The following PLCB1 variants were observed in gnomAD, a reference collection of about 807,000 sequenced individuals.
PLCB1 encodes the protein phospholipase C beta 1.
Under a neutral mutation model 161.8 loss-of-function variants are expected in PLCB1, and 46 were observed. That is an observed-to-expected ratio of 0.28 (90% CI 0.22 to 0.36). PLCB1 has a LOEUF of 0.36. Among genes scored for constraint, PLCB1 ranks in the 10% least tolerant of loss-of-function variants. The pLI, the probability that PLCB1 is intolerant of heterozygous loss-of-function variation, is 1.00. For synonymous variants in PLCB1, 517 were observed against 503.7 expected (o/e 1.03, Z -0.35); for missense variants, 1,016 against 1,472.5 (o/e 0.69, Z 5.07).
chr20:8,150,785 C>T (rs1022248989), intron 2 of PLCB1, among the ~76,000 whole-genome samples: 2 of 152,130 alleles, frequency 1.3e-5, no homozygotes, highest in Non-Finnish European at 2.9e-5. Context: ...TTCCCCTGTG[C>T]TGTTCATTAA....
In PLCB1 at chr20:8,729,171, A is replaced by G. The variant is rs1441152862; in HGVS notation, c.1885A>G (p.Met629Val). ...GATGGTGGCACTTAATTTCCAGACA[A>G]TGGGTAAGTACATGCTTGTTCCCAT... The part of the protein sequence containing the change: ...CQMVALNFQT[M>V]DLAMQINMGM... The change falls in exon 18 of 32, where the codon ATG (methionine) becomes GTG (valine). Residue 629 changes from methionine (M) to valine (V), a missense_variant. This residue lies in a region of PLCB1 where 67 missense variants were observed against 195.6 expected (regional missense o/e 0.34). Transcript: ENST00000338037. 6 of 1,611,610 alleles carry G rather than the reference A, an allele frequency of 3.7e-6. No homozygotes were observed. The highest frequency in any genetic ancestry group is 5.1e-6 in the Non-Finnish European group (6 of 1,178,412).
rs928361400 is a variant in PLCB1 at position 8,203,085 on chromosome 20, GCA to G, written c.177+52722_177+52723del. Among the ~76,000 whole-genome samples, 30 of 133,242 alleles carry G rather than the reference GCA, an allele frequency of 2.3e-4. 1 individual carries two copies. The highest frequency in any genetic ancestry group is 1.5e-3 in the Admixed American group (21 of 14,152). The allele number at this position is 133,242 out of a possible 152,430, so 87.4% of individuals were successfully genotyped here. ...AGAGCTCAGTCATTCTGGGTTGTAT[GCA>G]CACACACGCGCACACACACACACAC... On this transcript the variant is annotated intron_variant, in intron 2 of 31. Coordinates refer to ENST00000338037, the MANE Select transcript of PLCB1 (RefSeq NM_015192.4).
intron 2 of PLCB1, among the ~76,000 whole-genome samples, chr20:8,311,348 A>G (rs1984392944): frequency 6.6e-6 from 1 of 152,204 alleles, no homozygotes; most frequent in Admixed American, 6.5e-5. Flanking sequence ...TCATGAATAG[A>G]TATGTTTATT....
At chr20:8,765,077 C>T in intron 25 of PLCB1, 62 bp from the exon 26 acceptor site, 1 of 1,332,162 alleles carries the variant, frequency 7.5e-7, no homozygotes, top group East Asian at 2.3e-5. Flanking sequence ...GGTAGCCGCT[C>T]TTCTTTCCAT....
intron 3 of PLCB1, among the ~76,000 whole-genome samples, chr20:8,423,158 T>A (rs1419255538): frequency 6.6e-6 from 1 of 152,180 alleles, no homozygotes; most frequent in East Asian, 1.9e-4. Context: ...AATAATTTAT[T>A]TGCATGTCAT....
At chr20:8,180,060 G>A (rs1388323338) in intron 2 of PLCB1, among the ~76,000 whole-genome samples, 3 of 151,500 alleles carry the variant, frequency 2.0e-5, no homozygotes, top group African/African-American at 4.9e-5. Flanking sequence ...GGGTTTCACC[G>A]TTTTAGCCAG....
chr20:8,252,622 T>A (rs1209651392), intron 2 of PLCB1, among the ~76,000 whole-genome samples: 1 of 152,036 alleles, frequency 6.6e-6, no homozygotes, highest in Non-Finnish European at 1.5e-5. Flanking sequence ...TGGACCACAC[T>A]GTTTCTAAGA....
intron 3 of PLCB1, among the ~76,000 whole-genome samples, chr20:8,591,977 C>T (rs1987163981): frequency 1.3e-5 from 2 of 152,128 alleles, no homozygotes; most frequent in African/African-American, 4.8e-5. Flanking sequence ...CGTGAGATAT[C>T]TCGGAGGATG....
chr20:8,790,130 T>C (rs756627084), intron 30 of PLCB1, 45 bp from the exon 31 acceptor site: 10 of 1,393,730 alleles, frequency 7.2e-6, no homozygotes, highest in South Asian at 2.4e-5. Flanking sequence ...ACGTGCACTT[T>C]TAAATGTTTA....
At chr20:8,513,601 C>G (rs1983985202) in intron 3 of PLCB1, among the ~76,000 whole-genome samples, 2 of 152,150 alleles carry the variant, frequency 1.3e-5, no homozygotes, top group Admixed American at 6.6e-5. Flanking sequence ...ATTCTGTCCC[C>G]CCTGCCAGTT....
At chr20:8,478,913 T>C (rs1418417622) in intron 3 of PLCB1, among the ~76,000 whole-genome samples, 2 of 152,192 alleles carry the variant, frequency 1.3e-5, no homozygotes, top group Non-Finnish European at 2.9e-5. Flanking sequence ...TCATTATACA[T>C]GTAAAAAGCT....
At chr20:8,831,605 C>T (rs957421516) in intron 31 of PLCB1, among the ~76,000 whole-genome samples, 2 of 152,086 alleles carry the variant, frequency 1.3e-5, no homozygotes, top group African/African-American at 4.8e-5. Flanking sequence ...AAACTAAACC[C>T]CAAAATATAA....
chr20:8,697,533 T>C, intron 10 of PLCB1, 93 bp from the exon 11 acceptor site: 5 of 1,290,938 alleles, frequency 3.9e-6, no homozygotes, highest in South Asian at 1.4e-5. Flanking sequence ...TTAGACTCTT[T>C]GTTTTCCTGT....
chr20:8,245,172 T>A (rs1033512548), intron 2 of PLCB1, among the ~76,000 whole-genome samples: 1 of 151,874 alleles, frequency 6.6e-6, no homozygotes, highest in Non-Finnish European at 1.5e-5. Flanking sequence ...TGGTGCAGTC[T>A]TTTTTGAAAA....
At chr20:8,705,911 C>A (rs759849568) in intron 11 of PLCB1, among the ~76,000 whole-genome samples, 26 of 152,126 alleles carry the variant, frequency 1.7e-4, no homozygotes, top group Admixed American at 8.5e-4. Context: ...TAGAAAGGAG[C>A]GAAACTGTCT....
intron 2 of PLCB1, chr20:8,306,291 T>A (rs1984134738): frequency 6.6e-6 from 1 of 152,182 alleles, no homozygotes; most frequent in Non-Finnish European, 1.5e-5. Flanking sequence ...ACTTTTCCTC[T>A]CCATCCAAAA....
intron 3 of PLCB1, among the ~76,000 whole-genome samples, chr20:8,550,507 C>T (rs1985738284): frequency 6.6e-6 from 1 of 151,924 alleles, no homozygotes; most frequent in Non-Finnish European, 1.5e-5. Flanking sequence ...TGAAGAGGTG[C>T]CTTCCACCAT....
At chr20:8,462,477 T>C (rs1393855218) in intron 3 of PLCB1, among the ~76,000 whole-genome samples, 1 of 152,226 alleles carries the variant, frequency 6.6e-6, no homozygotes, top group African/African-American at 2.4e-5. Flanking sequence ...AAAGTATTTA[T>C]AGCTTGTAAG....
chr20:8,196,808 T>C (rs1000618074), intron 2 of PLCB1, among the ~76,000 whole-genome samples: 1 of 151,998 alleles, frequency 6.6e-6, no homozygotes, highest in Non-Finnish European at 1.5e-5. Context: ...CCTAATGCTA[T>C]CCCTACCCCC....
Sources: gnomAD v4.1 joint callset for allele counts (sites outside exome capture counted in the v4.1 genomes callset) on GRCh38, gnomAD v4.1.1 for gene constraint, gnomAD v4.1.1 regional missense constraint, MANE v1.5 for transcripts, NCBI Gene and HGNC (gene_info 2026-07-23, HGNC 2026-07-21) for gene names.